The following MSRB3 variants were observed in gnomAD, a reference collection of about 807,000 sequenced individuals.
The protein encoded by MSRB3 is methionine sulfoxide reductase B3, also known as methionine-R-sulfoxide reductase B3.
Under a neutral mutation model 21.0 loss-of-function variants are expected in MSRB3, and 13 were observed. The ratio of observed to expected loss-of-function variants is 0.62; its 90% confidence interval spans 0.40 to 0.98. The LOEUF is 0.98. Ranked by LOEUF, MSRB3 falls within the 50% of genes least tolerant of loss-of-function variation. MSRB3 has a pLI of 0.00. For synonymous variants in MSRB3, 87 were observed against 88.6 expected, an observed-to-expected ratio of 0.98 and a Z score of 0.10; for missense variants, 199 against 230.3, an observed-to-expected ratio of 0.86 and a Z score of 0.88.
chr12:65,452,046 A>G (rs1882880773), intron 5 of MSRB3, among the ~76,000 whole-genome samples: 2 of 152,236 alleles, frequency 1.3e-5, no homozygotes, highest in South Asian at 2.1e-4. Context: ...TGTAGCATAA[A>G]GGAAAAATAT....
chr12:65,357,125 A>G (rs185321473), intron 4 of MSRB3, among the ~76,000 whole-genome samples: 3 of 151,912 alleles, frequency 2.0e-5, no homozygotes, highest in East Asian at 3.9e-4. Context: ...CCATATACTA[A>G]ATGAAGGTAC....
chr12:65,387,392 A>G (rs1293685387), intron 5 of MSRB3, among the ~76,000 whole-genome samples: 1 of 152,040 alleles, frequency 6.6e-6, no homozygotes. Context: ...CCAGCTCTGA[A>G]TATTTCTATC....
chr12:65,422,430 ATTTATT>A lies in MSRB3; in HGVS notation c.293-31296_293-31291del, dbSNP rs1323048982. Among the ~76,000 whole-genome samples, 370 of 87,728 alleles carry A rather than the reference ATTTATT, an allele frequency of 4.2e-3. 2 individuals are homozygous for A. The highest frequency in any genetic ancestry group is 7.3e-3 in the Admixed American group (55 of 7,564). The allele number at this position is 87,728 out of a possible 152,430, so 57.6% of individuals were successfully genotyped here. A position where few individuals can be genotyped will look rare whatever the true frequency, so the allele number is the denominator to read the frequency against. On this transcript the variant is annotated intron_variant, in intron 5 of 6. Coordinates refer to ENST00000308259, the MANE Select transcript of MSRB3 (RefSeq NM_001031679.3). Reference sequence around the variant, plus strand: ...TATATATATATATATATATATATATATTTATTTATTTATTTATGGGGTATATGGGAT... The same window carrying A: ...TATATATATATATATATATATATATATATTTATTTATGGGGTATATGGGAT...
intron 5 of MSRB3, among the ~76,000 whole-genome samples, chr12:65,432,952 G>A (rs111335968): frequency 0.014 from 2,131 of 152,032 alleles, 45 homozygotes; most frequent in African/African-American, 0.048. Context: ...CCTTAGGATA[G>A]CTATTATTAA....
chr12:65,368,234 G>T (rs1367709478), intron 4 of MSRB3, among the ~76,000 whole-genome samples: 6 of 152,140 alleles, frequency 3.9e-5, no homozygotes, highest in African/African-American at 1.4e-4. Context: ...CTTGTATCTT[G>T]CTGTGGCAGC....
At chr12:65,324,314 ATT>A (rs1207000473) in intron 2 of MSRB3, among the ~76,000 whole-genome samples, 3 of 152,296 alleles carry the variant, frequency 2.0e-5, no homozygotes, top group East Asian at 3.9e-4. Flanking sequence ...TGAAATCTTT[ATT>A]CCCCTCCCAA....
intron 5 of MSRB3, among the ~76,000 whole-genome samples, chr12:65,379,150 A>G (rs1378767754): frequency 6.7e-6 from 1 of 150,200 alleles, no homozygotes; most frequent in African/African-American, 2.5e-5. Context: ...AATTGGCCAC[A>G]ACTTCATTCA....
intron 5 of MSRB3, among the ~76,000 whole-genome samples, chr12:65,383,266 G>A (rs1879037863): frequency 6.6e-6 from 1 of 152,156 alleles, no homozygotes; most frequent in Admixed American, 6.5e-5. Flanking sequence ...CCTTGAACAA[G>A]CTAGCTGTAA....
chr12:65,460,260 G>A (rs1022892704), intron 6 of MSRB3, among the ~76,000 whole-genome samples: 1 of 152,234 alleles, frequency 6.6e-6, no homozygotes, highest in African/African-American at 2.4e-5. Context: ...AAGAAACAAT[G>A]CTCCTCTGGC....
chr12:65,358,513 G>A (rs1045678890), intron 4 of MSRB3, among the ~76,000 whole-genome samples: 2 of 151,778 alleles, frequency 1.3e-5, no homozygotes, highest in Admixed American at 1.3e-4. Flanking sequence ...TGGCTCCTTT[G>A]TCCCTTTGAT....
rs572619905 is a variant in MSRB3 at position 65,375,688 on chromosome 12, C to T, written c.292+6662C>T. On this transcript the variant is annotated intron_variant, in intron 5 of 6. Transcript: ENST00000308259. ...TCCTGGCTTCAAGCAATCCTCCTGC[C>T]TCAGTCTTCCACAGCACTAGAATTA... 2.0e-5 allele frequency among the ~76,000 whole-genome samples: 3 copies of T among 152,326 alleles called. No individual in the cohort carries two copies. In the East Asian group the frequency reaches 5.8e-4, roughly 29 times the overall value.
In MSRB3 at chr12:65,327,031, A is replaced by G; in HGVS notation, c.185+97A>G. On this transcript the variant is annotated intron_variant, in intron 3 of 6. Coordinates refer to ENST00000308259, the MANE Select transcript of MSRB3 (RefSeq NM_001031679.3). ...CTTGCCAATTAATTTAAAGCATTCTATACTTACTTGCTAAAGTCTATGAAT... is the reference window on the plus strand; with the variant it reads ...CTTGCCAATTAATTTAAAGCATTCTGTACTTACTTGCTAAAGTCTATGAAT... 3 of 858,688 alleles carry G rather than the reference A, an allele frequency of 3.5e-6. No individual in the cohort carries two copies. The East Asian group carries it at 7.9e-5, about 23-fold the overall frequency. 53.2% of individuals were successfully genotyped at this position (858,688 alleles called of 1,614,324 possible).
At chr12:65,373,887 T>C (rs1266417778) in intron 5 of MSRB3, among the ~76,000 whole-genome samples, 1 of 152,104 alleles carries the variant, frequency 6.6e-6, no homozygotes, top group African/African-American at 2.4e-5. Flanking sequence ...AAAAGGAATC[T>C]ACACCAGGGT....
At chr12:65,402,285 T>C (rs913316865) in intron 5 of MSRB3, among the ~76,000 whole-genome samples, 5 of 152,232 alleles carry the variant, frequency 3.3e-5, no homozygotes, top group Non-Finnish European at 7.3e-5. Flanking sequence ...TATAGTCCCA[T>C]ATTTCTTGGA....
intron 5 of MSRB3, chr12:65,418,639 A>G: frequency 1.6e-6 from 1 of 606,816 alleles, no homozygotes; most frequent in Non-Finnish European, 2.9e-6. Context: ...TTACATCTCT[A>G]ATCCATTTTG....
At chr12:65,352,966 T>C (rs1877123743) in intron 4 of MSRB3, among the ~76,000 whole-genome samples, 1 of 151,946 alleles carries the variant, frequency 6.6e-6, no homozygotes, top group Non-Finnish European at 1.5e-5. Context: ...AAAAACTACT[T>C]TAAAGTTCAT....
chr12:65,450,026 C>T (rs919286305), intron 5 of MSRB3, among the ~76,000 whole-genome samples: 3 of 151,958 alleles, frequency 2.0e-5, no homozygotes, highest in African/African-American at 7.3e-5. Flanking sequence ...AGAGCTATGC[C>T]ATTATTCAAT....
intron 5 of MSRB3, among the ~76,000 whole-genome samples, chr12:65,394,704 A>C (rs1879682983): frequency 6.6e-6 from 1 of 152,230 alleles, no homozygotes; most frequent in Non-Finnish European, 1.5e-5. Flanking sequence ...AAATACTAGC[A>C]AACCAAATAC....
intron 1 of MSRB3, among the ~76,000 whole-genome samples, chr12:65,281,094 T>A (rs941074701): frequency 2.6e-5 from 4 of 152,052 alleles, no homozygotes; most frequent in Non-Finnish European, 4.4e-5. Flanking sequence ...CTGGGCATAG[T>A]GGCTCACTCC....
Sources: allele counts gnomAD v4.1 joint callset (sites outside exome capture counted in the v4.1 genomes callset), GRCh38; gene constraint gnomAD v4.1.1; transcripts MANE v1.5; gene names NCBI Gene and HGNC (gene_info 2026-07-23, HGNC 2026-07-21).